LRRC4C: variants seen among roughly 807,000 people sequenced by gnomAD.
LRRC4C encodes the protein leucine rich repeat containing 4C, also known as leucine-rich repeat-containing protein 4C.
LRRC4C carries 5 observed loss-of-function variants against 33.6 expected under a neutral mutation model. That is an observed-to-expected ratio of 0.15 (90% confidence interval 0.08 to 0.31). The LOEUF is 0.31. Among genes scored for constraint, LRRC4C ranks in the 10% least tolerant of loss-of-function variants. The probability of loss-of-function intolerance (pLI) is 1.00; values close to 1 mark genes in which losing one functional copy is unlikely to be tolerated. For missense variants in LRRC4C, 560 were observed against 796.7 expected, an observed-to-expected ratio of 0.70 and a Z score of 3.58; for synonymous variants, 329 against 302.0, an observed-to-expected ratio of 1.09 and a Z score of -0.93.
At chr11:40,242,468 T>C (rs917177995) in intron 4 of LRRC4C, among the ~76,000 whole-genome samples, 1 of 152,216 alleles carries the variant, frequency 6.6e-6, no homozygotes, top group Non-Finnish European at 1.5e-5. Context: ...GGTTTAAGTT[T>C]ATAAAATCTG....
intron 1 of LRRC4C, among the ~76,000 whole-genome samples, chr11:41,207,626 C>T (rs986366132): frequency 3.3e-5 from 5 of 152,098 alleles, no homozygotes; most frequent in African/African-American, 1.2e-4. Context: ...TTTCCCTCTC[C>T]CTCTTGATTT....
intron 1 of LRRC4C, among the ~76,000 whole-genome samples, chr11:41,320,629 T>C (rs1229343051): frequency 1.3e-5 from 2 of 152,202 alleles, no homozygotes; most frequent in African/African-American, 4.8e-5. Context: ...ACTGCACTAG[T>C]TTTCTATTGC....
At chr11:40,777,739 G>A (rs889978485) in intron 2 of LRRC4C, among the ~76,000 whole-genome samples, 1 of 151,344 alleles carries the variant, frequency 6.6e-6, no homozygotes, top group East Asian at 1.9e-4. Flanking sequence ...CCAGGCTGGA[G>A]TGCAGTGGCA....
At chr11:41,120,102 G>C (rs891898329) in intron 1 of LRRC4C, among the ~76,000 whole-genome samples, 1 of 151,964 alleles carries the variant, frequency 6.6e-6, no homozygotes, top group African/African-American at 2.4e-5. Context: ...CAGAGATCTG[G>C]CCTTAAAATT....
At chr11:41,303,981 G>A (rs1193134829) in intron 1 of LRRC4C, among the ~76,000 whole-genome samples, 14 of 78,680 alleles carry the variant, frequency 1.8e-4, no homozygotes, top group Non-Finnish European at 2.6e-4. Context: ...CAGCCACCCC[G>A]TCCGGGAGGG....
At chr11:41,131,928 G>A (rs1943031785) in intron 1 of LRRC4C, among the ~76,000 whole-genome samples, 2 of 152,150 alleles carry the variant, frequency 1.3e-5, no homozygotes, top group Non-Finnish European at 1.5e-5. Flanking sequence ...AGAACTCTCA[G>A]TTCTGGAAAA....
At chr11:40,600,448 C>A (rs1166001878) in intron 3 of LRRC4C, among the ~76,000 whole-genome samples, 1 of 152,154 alleles carries the variant, frequency 6.6e-6, no homozygotes, top group African/African-American at 2.4e-5. Flanking sequence ...TACTCAATTA[C>A]TAAGTGGTTT....
At chr11:41,454,239 A>C (rs1470317520) in intron 1 of LRRC4C, among the ~76,000 whole-genome samples, 1 of 152,152 alleles carries the variant, frequency 6.6e-6, no homozygotes, top group Non-Finnish European at 1.5e-5. Context: ...AAGGCTTTTT[A>C]CATCTTTTCT....
At chr11:41,343,898 T>G (rs894031150) in intron 1 of LRRC4C, among the ~76,000 whole-genome samples, 1 of 152,200 alleles carries the variant, frequency 6.6e-6, no homozygotes, top group Non-Finnish European at 1.5e-5. Flanking sequence ...AATTAGCATA[T>G]CATATTTACT....
intron 1 of LRRC4C, among the ~76,000 whole-genome samples, chr11:40,993,564 C>G (rs1386566925): frequency 6.6e-6 from 1 of 151,276 alleles, no homozygotes; most frequent in Admixed American, 6.6e-5. Context: ...ATTGCTTTTT[C>G]ACTTCCTTTT....
At chr11:40,934,945 C>G (rs770046457) in intron 1 of LRRC4C, among the ~76,000 whole-genome samples, 1 of 152,136 alleles carries the variant, frequency 6.6e-6, no homozygotes, top group Non-Finnish European at 1.5e-5. Context: ...AACATCCTAC[C>G]ATTATCTTAT....
chr11:41,055,193 T>A lies in LRRC4C; in HGVS notation c.-495-121470A>T, dbSNP rs186244344. On this transcript the variant is annotated intron_variant, in intron 1 of 6. Transcript: ENST00000528697. ...TTTTTTTTGTGAATGAATCCCATTT[T>A]ATCTACTCTTGTGGTGTCTGGTTCT... Among the ~76,000 whole-genome samples the A allele has an allele frequency of 2.4e-3, 373 of 152,304 alleles. 3 individuals carry two copies. The highest frequency in any genetic ancestry group is 8.5e-3 in the African/African-American group (355 of 41,580).
chr11:40,688,713 A>G (rs11036019), intron 2 of LRRC4C, among the ~76,000 whole-genome samples: 31,524 of 152,092 alleles, frequency 0.21, 4,755 homozygotes, highest in African/African-American at 0.42. Context: ...GACACGAAAG[A>G]TGACATAGAA....
intron 1 of LRRC4C, among the ~76,000 whole-genome samples, chr11:41,149,390 C>T (rs1565427998): frequency 6.6e-6 from 1 of 151,658 alleles, no homozygotes; most frequent in Non-Finnish European, 1.5e-5. Flanking sequence ...GCCTGTAGTC[C>T]CAGCTACTTG....
intron 1 of LRRC4C, among the ~76,000 whole-genome samples, chr11:41,190,280 C>G (rs944349996): frequency 2.0e-5 from 3 of 152,114 alleles, no homozygotes; most frequent in Non-Finnish European, 2.9e-5. Flanking sequence ...GAAATTTAAA[C>G]ATACTTGTGC....
Position 40,633,345 on chromosome 11 carries a change from CTTTCTTTCTTTCTTTCTT to C in LRRC4C, c.-270+14779_-270+14796del, listed in dbSNP as rs1307862829. Among the ~76,000 whole-genome samples the C allele has an allele frequency of 4.0e-3, 157 of 39,130 alleles. 4 individuals are homozygous for C. Among genetic ancestry groups the C allele is most frequent in the African/African-American group, 0.015 (148 of 9,604 alleles). 25.7% of individuals were successfully genotyped at this position (39,130 alleles called of 152,430 possible). A position where few individuals can be genotyped will look rare whatever the true frequency, so the allele number is the denominator to read the frequency against. On this transcript the variant is annotated intron_variant, in intron 3 of 6. Transcript: ENST00000528697. The stretch of plus-strand genomic sequence containing the variant: ...TTTCTTTTTCTTTCTTTCTTTCTTT[CTTTCTTTCTTTCTTTCTT>C]TCTTTCTTTCTCTCTCTTTCTTTCT...
At chr11:40,675,658 C>T (rs1944361658) in intron 2 of LRRC4C, among the ~76,000 whole-genome samples, 1 of 152,174 alleles carries the variant, frequency 6.6e-6, no homozygotes, top group Non-Finnish European at 1.5e-5. Context: ...ACCACTTTAT[C>T]TTCAATACCA....
intron 1 of LRRC4C, among the ~76,000 whole-genome samples, chr11:40,993,201 T>C (rs2137277300): frequency 6.6e-6 from 1 of 152,304 alleles, no homozygotes; most frequent in African/African-American, 2.4e-5. Context: ...AAATGGGCTA[T>C]TGAGGGAAAT....
At chr11:40,183,498 G>A (rs1861174593) in intron 5 of LRRC4C, among the ~76,000 whole-genome samples, 1 of 152,208 alleles carries the variant, frequency 6.6e-6, no homozygotes, top group African/African-American at 2.4e-5. Flanking sequence ...GAGGTGAGAA[G>A]ACTAGAATCA....
Sources: gnomAD v4.1 joint callset for allele counts (sites outside exome capture counted in the v4.1 genomes callset) on GRCh38, gnomAD v4.1.1 for gene constraint, MANE v1.5 for transcripts, NCBI Gene and HGNC (gene_info 2026-07-23, HGNC 2026-07-21) for gene names.